The following CYP2C19 variants were observed in gnomAD, a reference collection of about 807,000 sequenced individuals.
CYP2C19 encodes the protein cytochrome P450 family 2 subfamily C member 19.
In CYP2C19, 59 loss-of-function variants were observed where a neutral mutation model predicts 40.9. The ratio of observed to expected loss-of-function variants is 1.44; its 90% confidence interval spans 1.17 to 1.79. CYP2C19 has a LOEUF of 1.79. Ranked by LOEUF, CYP2C19 falls within the 40% of genes most tolerant of loss-of-function variation. The pLI is 0.00. For missense variants in CYP2C19, 754 were observed against 596.9 expected, an observed-to-expected ratio of 1.26 and a Z score of -2.74; for synonymous variants, 253 against 208.7, an observed-to-expected ratio of 1.21 and a Z score of -1.83.
intron 7 of CYP2C19, among the ~76,000 whole-genome samples, chr10:94,847,921 G>T (rs996320151): frequency 2.0e-5 from 3 of 152,084 alleles, no homozygotes; most frequent in Non-Finnish European, 2.9e-5. Flanking sequence ...TTTTGATGCG[G>T]TTGTTTGTTT....
Position 94,780,541 on chromosome 10 carries a change from G to T in CYP2C19, c.524G>T (p.Cys175Phe), listed in dbSNP as rs1312470064. The T allele has an allele frequency of 1.2e-6, 2 of 1,613,822 alleles. No homozygotes were observed. Among genetic ancestry groups the T allele is most frequent in the East Asian group, 4.5e-5 (2 of 44,882 alleles). ...DPTFILGCAP[C>F]NVICSIIFQK... ...ACTTTCATCCTGGGCTGTGCTCCCT[G>T]CAATGTGATCTGCTCCATTATTTTC... The change falls in exon 4 of 9, where the codon TGC (cysteine) becomes TTC (phenylalanine). Residue 175 changes from cysteine to phenylalanine, a missense_variant. Coordinates refer to ENST00000371321, the MANE Select transcript of CYP2C19 (RefSeq NM_000769.4).
intron 5 of CYP2C19, among the ~76,000 whole-genome samples, chr10:94,789,752 T>C (rs537667236): frequency 6.6e-6 from 1 of 152,284 alleles, no homozygotes; most frequent in East Asian, 1.9e-4. Flanking sequence ...TTCGGCCTTG[T>C]AATATAGTTT....
At chr10:94,851,113 G>A (rs1016123001) in intron 8 of CYP2C19, among the ~76,000 whole-genome samples, 2 of 152,238 alleles carry the variant, frequency 1.3e-5, no homozygotes, top group Non-Finnish European at 2.9e-5. Context: ...GGTAATTTAT[G>A]AAGAAAAGAG....
At chr10:94,763,130 G>T (rs1294064625) in intron 1 of CYP2C19, among the ~76,000 whole-genome samples, 3 of 152,176 alleles carry the variant, frequency 2.0e-5, no homozygotes, top group Non-Finnish European at 4.4e-5. Flanking sequence ...GAAATGTTGT[G>T]TTCCTTCTTT....
intron 5 of CYP2C19, among the ~76,000 whole-genome samples, chr10:94,795,005 A>G (rs1405914236): frequency 6.6e-6 from 1 of 151,430 alleles, no homozygotes; most frequent in Non-Finnish European, 1.5e-5. Context: ...ATATATGTAA[A>G]TATATATATA....
chr10:94,783,388 G>A (rs1400172569), intron 5 of CYP2C19, among the ~76,000 whole-genome samples: 3 of 151,980 alleles, frequency 2.0e-5, no homozygotes, highest in Non-Finnish European at 2.9e-5. Context: ...GAGGTGTAGA[G>A]GTGTGTGATG....
intron 5 of CYP2C19, among the ~76,000 whole-genome samples, chr10:94,786,495 T>A (rs528115664): frequency 6.6e-6 from 1 of 152,272 alleles, no homozygotes; most frequent in South Asian, 2.1e-4. Flanking sequence ...GCTTGCCTGA[T>A]TTTAAAATGA....
intron 6 of CYP2C19, among the ~76,000 whole-genome samples, chr10:94,830,322 G>C (rs1010771697): frequency 1.4e-4 from 21 of 152,212 alleles, no homozygotes; most frequent in Non-Finnish European, 2.5e-4. Context: ...GTGGGCGTAG[G>C]ACCCTCCGAG....
intron 1 of CYP2C19, among the ~76,000 whole-genome samples, chr10:94,770,237 T>C (rs1211860594): frequency 1.3e-5 from 2 of 152,178 alleles, no homozygotes; most frequent in African/African-American, 2.4e-5. Context: ...TGGGGGCTTC[T>C]GGCCCAGAGA....
At chr10:94,791,158 G>A (rs1341837122) in intron 5 of CYP2C19, among the ~76,000 whole-genome samples, 1 of 152,120 alleles carries the variant, frequency 6.6e-6, no homozygotes, top group Non-Finnish European at 1.5e-5. Context: ...TTTGCGTAGA[G>A]GTGTTTATAG....
At chr10:94,800,078 A>T (rs1027389304) in intron 5 of CYP2C19, among the ~76,000 whole-genome samples, 2 of 152,176 alleles carry the variant, frequency 1.3e-5, no homozygotes, top group African/African-American at 4.8e-5. Flanking sequence ...TGAGGAGGAG[A>T]GGCACTCTGG....
intron 6 of CYP2C19, among the ~76,000 whole-genome samples, chr10:94,829,062 G>C (rs191420613): frequency 6.6e-6 from 1 of 152,072 alleles, no homozygotes; most frequent in African/African-American, 2.4e-5. Flanking sequence ...TCCCTTTGAG[G>C]GTAACCCGAC....
rs188851578 is a variant in CYP2C19 at position 94,849,917 on chromosome 10, G to C, written c.1150G>C (p.Gly384Arg). Residue 384 changes from glycine to arginine, a missense_variant and splice_region_variant, in exon 8 of 9, where the codon GGC becomes CGC. Coordinates refer to ENST00000371321, the MANE Select transcript of CYP2C19 (RefSeq NM_000769.4). Reference protein sequence around the residue: ...VKFRNYLIPKGTTILTSLTSV... With the variant: ...VKFRNYLIPKRTTILTSLTSV... ...GTTCACCTATGTCTCTTGTTTCTAG[G>C]GCACAACCATATTAACTTCCCTCAC... 35 of 1,613,244 alleles carry C rather than the reference G, an allele frequency of 2.2e-5. No individual in the cohort carries two copies. The highest frequency in any genetic ancestry group is 2.8e-5 in the Non-Finnish European group (33 of 1,179,626).
At chr10:94,848,060 G>T (rs1016903520) in intron 7 of CYP2C19, among the ~76,000 whole-genome samples, 2 of 152,136 alleles carry the variant, frequency 1.3e-5, no homozygotes, top group East Asian at 1.9e-4. Flanking sequence ...TTCTTTTGCT[G>T]TGCAGAAGCT....
chr10:94,769,740 G>A (rs1041214647), intron 1 of CYP2C19, among the ~76,000 whole-genome samples: 3 of 152,118 alleles, frequency 2.0e-5, no homozygotes, highest in Non-Finnish European at 4.4e-5. Flanking sequence ...ATAAGGAAAA[G>A]TGGTGGGGTC....
rs181938231 is a variant in CYP2C19, at chr10:94,784,736, T to C, written c.819+2739T>C. ...TTCAGAGTAGCTGGGATTACAGGAATGTGCCACCATACCTGACTAATTTTT... is the reference window on the plus strand; with the variant it reads ...TTCAGAGTAGCTGGGATTACAGGAACGTGCCACCATACCTGACTAATTTTT... On this transcript the variant is annotated intron_variant, in intron 5 of 8. Coordinates refer to ENST00000371321, the MANE Select transcript of CYP2C19 (RefSeq NM_000769.4). 1.6e-3 allele frequency among the ~76,000 whole-genome samples: 240 copies of C among 152,078 alleles called. 1 individual carries two copies. The highest frequency in any genetic ancestry group is 2.8e-3 in the Non-Finnish European group (187 of 67,968).
At chr10:94,775,821 A>G in intron 3 of CYP2C19, 2 of 504,330 alleles carry the variant, frequency 4.0e-6, no homozygotes, top group African/African-American at 3.8e-5. Context: ...ATGAATATAG[A>G]TTTTGAGTTC....
chr10:94,798,398 G>T (rs1848719185), intron 5 of CYP2C19, among the ~76,000 whole-genome samples: 1 of 152,088 alleles, frequency 6.6e-6, no homozygotes. Context: ...GCTGAGGAGT[G>T]CTTTACTTCC....
intron 5 of CYP2C19, among the ~76,000 whole-genome samples, chr10:94,810,148 G>A (rs1848891781): frequency 6.6e-6 from 1 of 152,108 alleles, no homozygotes; most frequent in Admixed American, 6.6e-5. Context: ...CCAAAGTGCT[G>A]GAATTATAGG....
Sources: gnomAD v4.1 joint callset for allele counts (sites outside exome capture counted in the v4.1 genomes callset) on GRCh38, gnomAD v4.1.1 for gene constraint, MANE v1.5 for transcripts, NCBI Gene and HGNC (gene_info 2026-07-23, HGNC 2026-07-21) for gene names.